Variants in ADAMTS2 observed in about 807,000 individuals in gnomAD.
The protein encoded by ADAMTS2 is A disintegrin and metalloproteinase with thrombospondin motifs 2.
A neutral mutation model predicts 123.0 loss-of-function variants in ADAMTS2; 50 were observed. That is an observed-to-expected ratio of 0.41 (90% CI 0.32 to 0.51). The LOEUF (loss-of-function observed/expected upper bound fraction) is 0.51, where lower values mean the gene tolerates loss of function less well. ADAMTS2 is among the 20% of genes least tolerant of loss of function. The pLI is 0.35. For synonymous variants in ADAMTS2, 678 were observed against 695.4 expected (o/e 0.98, Z 0.39); for missense variants, 1,494 against 1,705.2 (o/e 0.88, Z 2.18).
intron 2 of ADAMTS2, among the ~76,000 whole-genome samples, chr5:179,288,551 G>A (rs1756093061): frequency 6.6e-6 from 1 of 152,216 alleles, no homozygotes; most frequent in Admixed American, 6.5e-5. Context: ...AGGGGCGGGG[G>A]CAGGGCCCCA....
chr5:179,283,976 A>ATTG (rs1755922065), intron 2 of ADAMTS2, among the ~76,000 whole-genome samples: 1 of 133,864 alleles, frequency 7.5e-6, no homozygotes, highest in African/African-American at 2.9e-5. Flanking sequence ...TATTATTATT[A>ATTG]TTATTATTAT....
At chr5:179,329,275 C>T (rs770992846) in intron 2 of ADAMTS2, among the ~76,000 whole-genome samples, 3 of 148,456 alleles carry the variant, frequency 2.0e-5, no homozygotes, top group Non-Finnish European at 4.4e-5. Context: ...TGCAGTGAGC[C>T]GAGATAGTGC....
At chr5:179,198,833 C>T (rs1479728030) in intron 4 of ADAMTS2, among the ~76,000 whole-genome samples, 1 of 145,822 alleles carries the variant, frequency 6.9e-6, no homozygotes, top group Non-Finnish European at 1.5e-5. Flanking sequence ...GACTCTATCT[C>T]AAGGAAAAAA....
intron 5 of ADAMTS2, among the ~76,000 whole-genome samples, chr5:179,168,102 A>C (rs1011353692): frequency 6.6e-6 from 1 of 152,080 alleles, no homozygotes; most frequent in Non-Finnish European, 1.5e-5. Context: ...CAACCTCAGC[A>C]CTCCAGATAT....
At chr5:179,302,367 G>A (rs1756551079) in intron 2 of ADAMTS2, among the ~76,000 whole-genome samples, 1 of 113,588 alleles carries the variant, frequency 8.8e-6, no homozygotes. Context: ...GGGCGACAGA[G>A]CAAGACCGTC....
intron 3 of ADAMTS2, among the ~76,000 whole-genome samples, chr5:179,212,717 C>T (rs1484779263): frequency 1.8e-5 from 2 of 112,184 alleles, no homozygotes; most frequent in African/African-American, 7.5e-5. Context: ...CAGGTGTGGG[C>T]CCTGAGGGCG....
chr5:179,344,045 C>G lies in ADAMTS2; in HGVS notation c.256G>C (p.Ala86Pro). 1.2e-6 allele frequency: 2 copies of G among 1,612,408 alleles called. No homozygotes were observed. The highest frequency in any genetic ancestry group is 1.7e-6 in the Non-Finnish European group (2 of 1,179,808). Residue 86 changes from alanine (A) to proline (P), a missense_variant, in exon 2 of 22, where the codon GCC becomes CCC. Ala to Pro is a conservative substitution (Grantham distance 27). Around this residue, in one of 6 missense-constraint regions of ADAMTS2, gnomAD observed 237 missense variants for 233.7 expected, o/e 1.01. Transcript: ENST00000251582. ...SAATSRAGVR[A>P]RRAAPVRTPS... ...GTCCGGACCGGGGCGGCCCTGCGGGCTCGTACCCCTGCTCTGGACGTAGCT... is the reference window on the plus strand; with the variant it reads ...GTCCGGACCGGGGCGGCCCTGCGGGGTCGTACCCCTGCTCTGGACGTAGCT...
intron 2 of ADAMTS2, among the ~76,000 whole-genome samples, chr5:179,333,148 G>C (rs1757523071): frequency 6.6e-6 from 1 of 152,220 alleles, no homozygotes; most frequent in Non-Finnish European, 1.5e-5. Context: ...CGCATCCCAA[G>C]CCGGGCCATG....
At chr5:179,218,473 G>A (rs962552349) in intron 3 of ADAMTS2, among the ~76,000 whole-genome samples, 6 of 152,232 alleles carry the variant, frequency 3.9e-5, no homozygotes, top group African/African-American at 1.4e-4. Flanking sequence ...TCAGCCCCAC[G>A]GGGGCCATCA....
chr5:179,322,076 G>A (rs2113595116), intron 2 of ADAMTS2, among the ~76,000 whole-genome samples: 1 of 152,318 alleles, frequency 6.6e-6, no homozygotes, highest in African/African-American at 2.4e-5. Context: ...CATGGACGTG[G>A]GAGACACACA....
rs1283286684 is a variant in ADAMTS2 at position 179,326,478 on chromosome 5, G to GC, written c.534+17288dup. On this transcript the variant is annotated intron_variant, in intron 2 of 21. Coordinates refer to ENST00000251582, the MANE Select transcript of ADAMTS2 (RefSeq NM_014244.5). ...AGCATCCTACCCCGGCCTGTGCCCCGCCCCCGGCCCCGCCCCCCACTCCCA... is the reference window on the plus strand; with the variant it reads ...AGCATCCTACCCCGGCCTGTGCCCCGCCCCCCGGCCCCGCCCCCCACTCCCA... Among the ~76,000 whole-genome samples, 24 of 28,298 alleles carry GC rather than the reference G, an allele frequency of 8.5e-4. No individual in the cohort carries two copies. In the East Asian group the frequency reaches 0.019, roughly 23 times the overall value. The allele number at this position is 28,298 out of a possible 152,430, so 18.6% of individuals were successfully genotyped here.
rs766855796 is a variant in ADAMTS2 at position 179,152,175 on chromosome 5, G to C, written c.1596C>G (p.Pro532=). The change falls in exon 10 of 22, where the codon CCC becomes CCG. Residue 532 remains proline (P), a synonymous_variant. Transcript: ENST00000251582. ...GTGCACACATAGTCCCGTCCAAGGG[G>C]GGCCCCTTCTTGGTCTTGCAAAAGT... ...NPYFCKTKKG[P]PLDGTMCAPG... 6.7e-5 allele frequency: 108 copies of C among 1,613,922 alleles called. 1 individual carries two copies. The South Asian group carries it at 1.0e-3, about 15-fold the overall frequency.
At chr5:179,249,595 A>G (rs867190541) in intron 3 of ADAMTS2, among the ~76,000 whole-genome samples, 1 of 152,304 alleles carries the variant, frequency 6.6e-6, no homozygotes, top group Non-Finnish European at 1.5e-5. Context: ...AGAAATAAAA[A>G]TGATTATAAG....
At chr5:179,243,166 A>G (rs965602722) in intron 3 of ADAMTS2, among the ~76,000 whole-genome samples, 2 of 145,538 alleles carry the variant, frequency 1.4e-5, no homozygotes. Context: ...AAAAAAAAAA[A>G]TCAGGAGAAC....
At chr5:179,283,915 CAAACA>C (rs1230343877) in intron 2 of ADAMTS2, among the ~76,000 whole-genome samples, 38 of 148,060 alleles carry the variant, frequency 2.6e-4, no homozygotes, top group African/African-American at 8.4e-4. Flanking sequence ...TAAAACTAAA[CAAACA>C]AAACAAAACA....
chr5:179,273,077 G>A lies in ADAMTS2; in HGVS notation c.535-13C>T. 1 of 1,613,500 alleles carries A rather than the reference G, an allele frequency of 6.2e-7. No homozygotes were observed. The highest frequency in any genetic ancestry group is 8.5e-7 in the Non-Finnish European group (1 of 1,180,020). On this transcript the variant is annotated splice_polypyrimidine_tract_variant and intron_variant, in intron 2 of 21. Transcript: ENST00000251582. ...GGATCAGACCAGCCTGCGGGACAAAGACAACAGGATCAGATTTCCAGCACA... is the reference window on the plus strand; with the variant it reads ...GGATCAGACCAGCCTGCGGGACAAAAACAACAGGATCAGATTTCCAGCACA...
At position 179,158,994 on chromosome 5, in the gene ADAMTS2, G is replaced by C. The variant is rs1763542817; in HGVS notation, c.976-115C>G. The C allele has an allele frequency of 7.3e-7, 1 of 1,369,556 alleles. No homozygotes were observed. The highest frequency in any genetic ancestry group is 1.4e-5 in the African/African-American group (1 of 69,456). 84.8% of individuals were successfully genotyped at this position (1,369,556 alleles called of 1,614,324 possible). On this transcript the variant is annotated intron_variant, in intron 5 of 21. Coordinates refer to ENST00000251582, the MANE Select transcript of ADAMTS2 (RefSeq NM_014244.5). This position sits in a 1 kb window ranked among gnomAD's most constrained non-coding sequence, Gnocchi z 5.0. The stretch of plus-strand genomic sequence containing the variant: ...ATCCACTGGGAATCTGTTCCAGGTG[G>C]TACAAAGGCCCTGCCCGGTCACTCT...
At chr5:179,206,172 T>G (rs1271208320) in intron 4 of ADAMTS2, among the ~76,000 whole-genome samples, 1 of 152,212 alleles carries the variant, frequency 6.6e-6, no homozygotes, top group Admixed American at 6.5e-5. Flanking sequence ...CGGCCCCCTG[T>G]ACGGATAAGG....
chr5:179,271,359 C>T (rs1347393532), intron 3 of ADAMTS2, among the ~76,000 whole-genome samples: 1 of 152,168 alleles, frequency 6.6e-6, no homozygotes, highest in Non-Finnish European at 1.5e-5. Flanking sequence ...CCTGAATCTT[C>T]CAGGAGAGGC....
Sources: gnomAD v4.1 joint callset for allele counts (sites outside exome capture counted in the v4.1 genomes callset) on GRCh38, gnomAD v4.1.1 for gene constraint, gnomAD v4.1.1 regional missense constraint, Gnocchi (gnomAD v3.1) non-coding constraint, MANE v1.5 for transcripts, NCBI Gene and HGNC (gene_info 2026-07-23, HGNC 2026-07-21) for gene names.